KLRC3: variants seen among roughly 807,000 people sequenced by gnomAD.
The protein encoded by KLRC3 is NKG2-E type II integral membrane protein.
A neutral mutation model predicts 23.6 loss-of-function variants in KLRC3; 16 were observed. The ratio of observed to expected loss-of-function variants is 0.68; its 90% CI spans 0.46 to 1.03. The LOEUF is 1.03. Among genes scored for constraint, KLRC3 ranks in the 50% least tolerant of loss-of-function variants. The pLI is 0.00. For missense variants in KLRC3, 209 were observed against 232.2 expected (o/e 0.90, Z 0.65); for synonymous variants, 70 against 71.8 (o/e 0.98, Z 0.13).
intron 5 of KLRC3, 109 bp downstream of exon 5, chr12:10,416,558 A>C: frequency 7.6e-7 from 1 of 1,319,826 alleles, no homozygotes; most frequent in Non-Finnish European, 1.0e-6. Flanking sequence ...CATTTCACTA[A>C]CTTTCCACAT....
intron 6 of KLRC3, among the ~76,000 whole-genome samples, chr12:10,414,781 A>G (rs889587546): frequency 2.6e-5 from 4 of 151,942 alleles, no homozygotes; most frequent in Admixed American, 2.0e-4. Flanking sequence ...AAAGAAAAAA[A>G]AAGAAAAAGA....
Position 10,416,585 on chromosome 12 carries a change from G to A in KLRC3, c.587+82C>T. 16 of 1,447,980 alleles carry A rather than the reference G, an allele frequency of 1.1e-5. No individual in the cohort carries two copies. In the South Asian group the frequency reaches 2.1e-4, roughly 19 times the overall value. The allele number at this position is 1,447,980 out of a possible 1,614,324, so 89.7% of individuals were successfully genotyped here. ...TTTCCACATCTTTCTTCATATCAAT[G>A]ATTCCACATAGATTTATTCATATTA... On this transcript the variant is annotated intron_variant, in intron 5 of 6. Transcript: ENST00000396439.
chr12:10,416,641 AT>A (rs777660278), intron 5 of KLRC3, 25 bp downstream of exon 5: 10 of 1,596,936 alleles, frequency 6.3e-6, no homozygotes, highest in East Asian at 4.5e-5. Context: ...ATATTTTTTT[AT>A]ATAGCACCCT....
chr12:10,414,346 T>C (rs1223301334), intron 6 of KLRC3, among the ~76,000 whole-genome samples: 3 of 151,932 alleles, frequency 2.0e-5, no homozygotes, highest in Non-Finnish European at 4.4e-5. Context: ...ATAAAACCAC[T>C]TCAATATAAG....
intron 6 of KLRC3, among the ~76,000 whole-genome samples, chr12:10,415,012 T>C (rs938374437): frequency 7.9e-5 from 12 of 152,048 alleles, no homozygotes; most frequent in African/African-American, 2.9e-4. Context: ...AAATACATAA[T>C]ATGATAGAGA....
Position 10,412,351 on chromosome 12 carries a change from T to G in KLRC3, c.*221A>C, listed in dbSNP as rs1168656310. 1.8e-6 allele frequency: 1 copy of G among 566,930 alleles called. No homozygotes were observed. The highest frequency in any genetic ancestry group is 3.1e-5 in the East Asian group (1 of 32,196). The allele number at this position is 566,930 out of a possible 1,614,324, so 35.1% of individuals were successfully genotyped here. On this transcript the variant is annotated 3_prime_UTR_variant, in exon 7 of 7. Coordinates refer to ENST00000396439, the MANE Select transcript of KLRC3 (RefSeq NM_002261.3). ...GATTTATTTTCCAATCATAACGGTCTGCATTTTAATATTAATATTTGTTGT... is the reference window on the plus strand; with the variant it reads ...GATTTATTTTCCAATCATAACGGTCGGCATTTTAATATTAATATTTGTTGT...
intron 6 of KLRC3, among the ~76,000 whole-genome samples, chr12:10,412,917 TTAATACA>T: frequency 6.6e-6 from 1 of 152,194 alleles, no homozygotes; most frequent in East Asian, 1.9e-4. Flanking sequence ...CTCTTGATGC[TTAATACA>T]AGACAGGCCA....
At chr12:10,417,826 C>T (rs1863667908) in intron 4 of KLRC3, among the ~76,000 whole-genome samples, 1 of 152,182 alleles carries the variant, frequency 6.6e-6, no homozygotes. Context: ...AGGAATTCCA[C>T]AAATATCAGA....
chr12:10,413,644 T>A (rs1863602150), intron 6 of KLRC3, among the ~76,000 whole-genome samples: 1 of 152,170 alleles, frequency 6.6e-6, no homozygotes, highest in South Asian at 2.1e-4. Flanking sequence ...TTATTATTAT[T>A]ATATTTTAAG....
intron 5 of KLRC3, among the ~76,000 whole-genome samples, 183 bp from the exon 6 acceptor site, chr12:10,415,977 G>A (rs1293230606): frequency 2.0e-5 from 3 of 152,064 alleles, no homozygotes; most frequent in Admixed American, 6.6e-5. Context: ...CATCCACGGG[G>A]GATATGTTTC....
intron 6 of KLRC3, among the ~76,000 whole-genome samples, chr12:10,413,256 C>T (rs1254864479): frequency 6.6e-6 from 1 of 151,952 alleles, no homozygotes; most frequent in Non-Finnish European, 1.5e-5. Flanking sequence ...GTTTTTAATT[C>T]AGTAATATAT....
chr12:10,416,129 T>C (rs1159499127), intron 5 of KLRC3, among the ~76,000 whole-genome samples: 1 of 152,210 alleles, frequency 6.6e-6, no homozygotes, highest in African/African-American at 2.4e-5. Flanking sequence ...TAAAAAATTG[T>C]AAGCAATATA....
intron 5 of KLRC3, 104 bp downstream of exon 5, chr12:10,416,563 C>T: frequency 7.4e-7 from 1 of 1,346,632 alleles, no homozygotes; most frequent in South Asian, 1.5e-5. Flanking sequence ...CACTAACTTT[C>T]CACATCTTTC....
chr12:10,416,524 T>A (rs929268515), intron 5 of KLRC3, 143 bp downstream of exon 5: 35 of 1,052,190 alleles, frequency 3.3e-5, no homozygotes, highest in Non-Finnish European at 4.2e-5. Context: ...ACTACTATGG[T>A]CTATTGTAAA....
At chr12:10,414,758 A>C (rs1323085966) in intron 6 of KLRC3, among the ~76,000 whole-genome samples, 1 of 151,816 alleles carries the variant, frequency 6.6e-6, no homozygotes, top group Non-Finnish European at 1.5e-5. Flanking sequence ...CTTAAAGTAT[A>C]ATAATAATAA....
intron 6 of KLRC3, among the ~76,000 whole-genome samples, chr12:10,414,069 C>T (rs924123963): frequency 8.6e-5 from 13 of 151,942 alleles, no homozygotes; most frequent in African/African-American, 2.9e-4. Flanking sequence ...AAGTACATAG[C>T]TACAAATAAA....
chr12:10,414,247 A>G (rs1398240096), intron 6 of KLRC3, among the ~76,000 whole-genome samples: 2 of 152,158 alleles, frequency 1.3e-5, no homozygotes, highest in Admixed American at 1.3e-4. Flanking sequence ...TTATTTTATA[A>G]AATGTTGTAT....
chr12:10,415,573 A>C (rs1201031330), intron 6 of KLRC3, 131 bp downstream of exon 6: 1 of 1,381,010 alleles, frequency 7.2e-7, no homozygotes, highest in South Asian at 1.4e-5. Flanking sequence ...GAATTTTCTT[A>C]TTATTAGAGC....
intron 5 of KLRC3, among the ~76,000 whole-genome samples, chr12:10,416,136 T>C (rs1591600435): frequency 1.3e-5 from 2 of 152,196 alleles, no homozygotes; most frequent in South Asian, 4.1e-4. Flanking sequence ...TTGTAAGCAA[T>C]ATACCAACAG....
Sources: allele counts gnomAD v4.1 joint callset (sites outside exome capture counted in the v4.1 genomes callset), GRCh38; gene constraint gnomAD v4.1.1; transcripts MANE v1.5; gene names NCBI Gene and HGNC (gene_info 2026-07-23, HGNC 2026-07-21).